The following SFMBT1 variants were observed in gnomAD, a reference collection of about 807,000 sequenced individuals.
SFMBT1 encodes the protein Scm like with four mbt domains 1, also known as scm-like with four MBT domains protein 1.
SFMBT1 carries 32 observed loss-of-function variants against 108.7 expected under a neutral mutation model. The observed-to-expected ratio is 0.29, with a 90% CI of 0.22 to 0.40. The LOEUF is 0.40. SFMBT1 is among the 10% of genes least tolerant of loss of function. The probability of loss-of-function intolerance (pLI) is 1.00; values close to 1 mark genes in which losing one functional copy is unlikely to be tolerated. For missense variants in SFMBT1, 816 were observed against 1,059.6 expected (o/e 0.77, Z 3.19); for synonymous variants, 348 against 369.5 (o/e 0.94, Z 0.67).
intron 3 of SFMBT1, among the ~76,000 whole-genome samples, chr3:52,949,395 G>A (rs1036283392): frequency 7.9e-5 from 12 of 151,942 alleles, no homozygotes; most frequent in East Asian, 5.8e-4. Flanking sequence ...GTCCATTTTC[G>A]ATAGGAGGGC....
At chr3:52,916,032 G>A in intron 14 of SFMBT1, 118 bp downstream of exon 14, 1 of 755,064 alleles carries the variant, frequency 1.3e-6, no homozygotes, top group Non-Finnish European at 2.2e-6. Context: ...TCACAATTAA[G>A]AGACCCCTCT....
In SFMBT1 at chr3:52,940,212, A is replaced by G. The variant is rs144438781; in HGVS notation, c.364+3141T>C. ...TTCTATTGTTACTCACAAAGTAAAA[A>G]ACCTTCACAAAGGAGAAGCCCACAG... On this transcript the variant is annotated intron_variant, in intron 4 of 20. Coordinates refer to ENST00000394752, the MANE Select transcript of SFMBT1 (RefSeq NM_016329.4). Among the ~76,000 whole-genome samples the G allele has an allele frequency of 2.3e-3, 346 of 152,342 alleles. 1 individual carries two copies. Among genetic ancestry groups the G allele is most frequent in the African/African-American group, 7.3e-3 (305 of 41,568 alleles).
At chr3:53,023,082 T>C (rs1462603428) in intron 1 of SFMBT1, among the ~76,000 whole-genome samples, 1 of 152,184 alleles carries the variant, frequency 6.6e-6, no homozygotes, top group Non-Finnish European at 1.5e-5. Flanking sequence ...GATTTTGGTG[T>C]CCTTGTTCAT....
chr3:52,933,135 C>G (rs923810358), intron 5 of SFMBT1, among the ~76,000 whole-genome samples: 1 of 152,168 alleles, frequency 6.6e-6, no homozygotes, highest in African/African-American at 2.4e-5. Context: ...ACACTGTATA[C>G]TGTTTCTTAA....
At position 52,916,308 on chromosome 3, in the gene SFMBT1, T is replaced by C. The variant is rs1702353666; in HGVS notation, c.1416-94A>G. On this transcript the variant is annotated intron_variant, in intron 13 of 20. Coordinates refer to ENST00000394752, the MANE Select transcript of SFMBT1 (RefSeq NM_016329.4). Reference sequence around the variant, plus strand: ...CCTTCAAATCTAAGAAGAAAGCAAATGTGGCATGTTCGCAAAATCTGTAAC... The same window carrying C: ...CCTTCAAATCTAAGAAGAAAGCAAACGTGGCATGTTCGCAAAATCTGTAAC... The C allele has an allele frequency of 7.8e-6, 9 of 1,157,988 alleles. No homozygotes were observed. The East Asian group carries it at 9.9e-5, about 13-fold the overall frequency. The allele number at this position is 1,157,988 out of a possible 1,614,324, so 71.7% of individuals were successfully genotyped here.
chr3:52,911,672 T>C (rs369061525), intron 16 of SFMBT1, among the ~76,000 whole-genome samples: 1 of 152,228 alleles, frequency 6.6e-6, no homozygotes, highest in Non-Finnish European at 1.5e-5. Flanking sequence ...AAAATTGTTC[T>C]TGCATTTTTA....
At chr3:52,913,424 A>G (rs1702263138) in intron 15 of SFMBT1, 54 bp downstream of exon 15, 1 of 1,587,016 alleles carries the variant, frequency 6.3e-7, no homozygotes. Context: ...AGAAATGACC[A>G]TAGGAGAATG....
intron 1 of SFMBT1, among the ~76,000 whole-genome samples, chr3:52,993,683 A>G (rs1364233660): frequency 6.7e-6 from 1 of 150,244 alleles, no homozygotes; most frequent in Non-Finnish European, 1.5e-5. Context: ...GCCAAAAAAA[A>G]GGGGAAAAAA....
At position 52,907,189 on chromosome 3, in the gene SFMBT1, G is replaced by T. The variant is rs765717079; in HGVS notation, c.2211C>A (p.Cys737Ter). ...TCTCACTTTGGGTGGGAGAAGAGGA[G>T]CATGACTTTTTTTCTGACATTTCTG... is the stretch of plus-strand genomic sequence containing the variant. ...EESEMSEKKS[C>*]SSSPTQSEIS... The change falls in exon 19 of 21, where the codon TGC becomes TGA. Residue 737 changes from cysteine to a stop codon, truncating the protein, a stop_gained. Transcript: ENST00000394752. LOFTEE classifies it high-confidence loss of function. The T allele has an allele frequency of 1.2e-6, 2 of 1,614,098 alleles. No individual in the cohort carries two copies. Among genetic ancestry groups the T allele is most frequent in the Non-Finnish European group, 1.7e-6 (2 of 1,180,014 alleles).
At chr3:52,935,065 G>C (rs1448417765) in intron 4 of SFMBT1, among the ~76,000 whole-genome samples, 164 bp from the exon 5 acceptor site, 5 of 152,078 alleles carry the variant, frequency 3.3e-5, no homozygotes, top group Non-Finnish European at 7.4e-5. Flanking sequence ...AACCAAAAAT[G>C]CTTCTCTAGA....
chr3:52,940,116 G>A (rs565289704), intron 4 of SFMBT1, among the ~76,000 whole-genome samples: 136 of 152,124 alleles, frequency 8.9e-4, no homozygotes, highest in African/African-American at 3.2e-3. Flanking sequence ...ACATTTAAAC[G>A]AGATGCATTT....
intron 1 of SFMBT1, among the ~76,000 whole-genome samples, chr3:53,007,664 CAT>C (rs1365372959): frequency 6.6e-6 from 1 of 152,054 alleles, no homozygotes; most frequent in Non-Finnish European, 1.5e-5. Context: ...AAATAAAAAA[CAT>C]GAGTTCATAT....
intron 2 of SFMBT1, among the ~76,000 whole-genome samples, chr3:52,967,262 T>C (rs1217532436): frequency 1.3e-5 from 2 of 152,104 alleles, no homozygotes; most frequent in Non-Finnish European, 2.9e-5. Flanking sequence ...TAAAAATTAG[T>C]GTATGCTGTG....
chr3:52,912,723 T>A lies in SFMBT1; in HGVS notation c.1621-76A>T, dbSNP rs984978675. 2.9e-6 allele frequency: 3 copies of A among 1,049,312 alleles called. No individual in the cohort carries two copies. The East Asian group carries it at 7.3e-5, about 25-fold the overall frequency. 65.0% of individuals were successfully genotyped at this position (1,049,312 alleles called of 1,614,324 possible). A position where few individuals can be genotyped will look rare whatever the true frequency, so the allele number is the denominator to read the frequency against. On this transcript the variant is annotated intron_variant, in intron 15 of 20. Coordinates refer to ENST00000394752, the MANE Select transcript of SFMBT1 (RefSeq NM_016329.4). ...CCATTAGAATCTTGTCATCTCTTCC[T>A]TAAAATGTTAAGATTATTTAGGAGG...
At position 53,003,056 on chromosome 3, in the gene SFMBT1, A is replaced by G; in HGVS notation, c.-130-33798T>C. 1.5e-5 allele frequency among the ~76,000 whole-genome samples: 2 copies of G among 132,386 alleles called. 1 individual carries two copies. Among genetic ancestry groups the G allele is most frequent in the Non-Finnish European group, 3.2e-5 (2 of 63,088 alleles). 86.9% of individuals were successfully genotyped at this position (132,386 alleles called of 152,430 possible). A position where few individuals can be genotyped will look rare whatever the true frequency, so the allele number is the denominator to read the frequency against. ...AGGAACACTTGAACCCAGGAGGCAG[A>G]GGCTGCAGTGAGCTTAGATAGTGTC... On this transcript the variant is annotated intron_variant, in intron 1 of 20. Transcript: ENST00000394752.
intron 1 of SFMBT1, among the ~76,000 whole-genome samples, chr3:52,980,781 G>T (rs938925783): frequency 2.0e-5 from 3 of 152,134 alleles, no homozygotes; most frequent in Non-Finnish European, 4.4e-5. Context: ...CAGCTTTTAT[G>T]TGGGTGCACG....
At chr3:53,016,855 C>G (rs756873251) in intron 1 of SFMBT1, among the ~76,000 whole-genome samples, 1 of 152,154 alleles carries the variant, frequency 6.6e-6, no homozygotes, top group Non-Finnish European at 1.5e-5. Context: ...AATTCTTCCC[C>G]ATTCTGAAAC....
intron 12 of SFMBT1, among the ~76,000 whole-genome samples, chr3:52,920,116 G>C (rs1252674070): frequency 6.6e-6 from 1 of 152,160 alleles, no homozygotes; most frequent in Non-Finnish European, 1.5e-5. Flanking sequence ...CTGGATCTTG[G>C]GCTTCCCAGT....
At chr3:52,941,145 A>G (rs1703167767) in intron 4 of SFMBT1, among the ~76,000 whole-genome samples, 1 of 152,238 alleles carries the variant, frequency 6.6e-6, no homozygotes, top group Non-Finnish European at 1.5e-5. Context: ...TATTGGGACC[A>G]GGATAGAATG....
Sources: gnomAD v4.1 joint callset for allele counts (sites outside exome capture counted in the v4.1 genomes callset) on GRCh38, gnomAD v4.1.1 for gene constraint, MANE v1.5 for transcripts, NCBI Gene and HGNC (gene_info 2026-07-23, HGNC 2026-07-21) for gene names.